SPMIP5: variants seen among roughly 807,000 people sequenced by gnomAD.
The protein encoded by SPMIP5 is sperm-associated microtubule inner protein 5.
chr10:116,664,915 G>T, the SPMIP5 span: 2 of 1,613,806 alleles, frequency 1.2e-6, no homozygotes, highest in Admixed American at 3.3e-5. Context: ...GGGATCGGGG[G>T]CTCCTGGAGA....
chr10:116,663,006 C>A, the SPMIP5 span, among the ~76,000 whole-genome samples: 1 of 152,032 alleles, frequency 6.6e-6, no homozygotes, highest in African/African-American at 2.4e-5. Context: ...CACAGTGAAA[C>A]CCCATCTCTA....
chr10:116,664,987 A>G, the SPMIP5 span: 1,286 of 1,577,762 alleles, frequency 8.2e-4, 11 homozygotes, highest in Middle Eastern at 0.013. Flanking sequence ...GCAACTAAAA[A>G]ATGTTTTCCA....
chr10:116,668,188 C>T, the SPMIP5 span: 3 of 1,466,074 alleles, frequency 2.0e-6, no homozygotes, highest in South Asian at 3.4e-5. Flanking sequence ...GACAGTGGGT[C>T]AAGGCAGGGA....
At chr10:116,664,735 G>A in the SPMIP5 span, 6 of 1,607,602 alleles carry the variant, frequency 3.7e-6, no homozygotes, top group Non-Finnish European at 3.4e-6. Context: ...CCTTGTGCCT[G>A]GGGTACGGAC....
the SPMIP5 span, chr10:116,664,857 C>T: frequency 3.9e-5 from 63 of 1,614,100 alleles, no homozygotes; most frequent in Non-Finnish European, 5.0e-5. Context: ...TCTCGTGCCA[C>T]AGCCAAATTC....
At chr10:116,662,880 C>A in the SPMIP5 span, among the ~76,000 whole-genome samples, 34 of 152,220 alleles carry the variant, frequency 2.2e-4, 1 homozygote, top group Admixed American at 5.2e-4. Context: ...GACTGGTGTC[C>A]TTGTAAGAAG....
the SPMIP5 span, chr10:116,668,427 G>T: frequency 2.1e-6 from 2 of 974,150 alleles, no homozygotes; most frequent in Non-Finnish European, 1.6e-6. Context: ...AAGAATGACT[G>T]CCAGGAGTTG....
chr10:116,669,475 A>G, the SPMIP5 span, among the ~76,000 whole-genome samples: 1 of 152,144 alleles, frequency 6.6e-6, no homozygotes, highest in East Asian at 1.9e-4. Context: ...CTTTTCTGAA[A>G]GCTTTCCACG....
At chr10:116,664,790 G>A in the SPMIP5 span, 1 of 1,614,048 alleles carries the variant, frequency 6.2e-7, no homozygotes, top group Admixed American at 1.7e-5. Context: ...GTGCCTTCTT[G>A]GCCCTCTCCG....
the SPMIP5 span, among the ~76,000 whole-genome samples, chr10:116,663,050 T>C: frequency 6.6e-5 from 10 of 151,604 alleles, no homozygotes; most frequent in South Asian, 4.2e-4. Context: ...GGCGTGGTGG[T>C]GGGCGCCTGT....
chr10:116,669,523 C>T, the SPMIP5 span, among the ~76,000 whole-genome samples: 1 of 152,144 alleles, frequency 6.6e-6, no homozygotes, highest in Non-Finnish European at 1.5e-5. Context: ...GATATAAATG[C>T]TATATTATAC....
At chr10:116,664,720 T>G in the SPMIP5 span, 3 of 1,602,086 alleles carry the variant, frequency 1.9e-6, no homozygotes, top group African/African-American at 4.0e-5. Flanking sequence ...CACTTCTCCC[T>G]TTGACCTTGT....
At chr10:116,663,095 T>C in the SPMIP5 span, among the ~76,000 whole-genome samples, 1 of 146,040 alleles carries the variant, frequency 6.8e-6, no homozygotes, top group Non-Finnish European at 1.5e-5. Context: ...GGCAGGAGAA[T>C]GGCGTGAACC....
the SPMIP5 span, chr10:116,665,455 C>G: frequency 1.8e-6 from 1 of 560,948 alleles, no homozygotes. Context: ...ATGTGTCTTT[C>G]TCATTTTAAG....
the SPMIP5 span, chr10:116,665,010 C>G: frequency 2.6e-6 from 4 of 1,548,534 alleles, no homozygotes; most frequent in Non-Finnish European, 2.6e-6. Context: ...GACCCAGAAG[C>G]TGAGGCCTGA....
At chr10:116,665,175 T>C in the SPMIP5 span, 2 of 1,198,580 alleles carry the variant, frequency 1.7e-6, no homozygotes, top group Non-Finnish European at 1.1e-6. Context: ...GGCAGGCAGA[T>C]CACCTGAGGT....
At chr10:116,663,756 T>C in the SPMIP5 span, 41 of 838,392 alleles carry the variant, frequency 4.9e-5, no homozygotes, top group African/African-American at 6.5e-4. Context: ...ATTAATGACA[T>C]GCAACCGTCA....
chr10:116,667,892 T>C, the SPMIP5 span, among the ~76,000 whole-genome samples: 1 of 152,168 alleles, frequency 6.6e-6, no homozygotes, highest in African/African-American at 2.4e-5. Flanking sequence ...ATAACCTTTG[T>C]GGAGGACTTG....
the SPMIP5 span, chr10:116,669,986 C>T: frequency 6.6e-6 from 1 of 152,306 alleles, no homozygotes; most frequent in South Asian, 2.1e-4. Context: ...CCCAGGATCC[C>T]TGCCTTCCAC....
Sources: allele counts gnomAD v4.1 joint callset (sites outside exome capture counted in the v4.1 genomes callset), GRCh38; gene constraint gnomAD v4.1.1; transcripts MANE v1.5; gene names NCBI Gene and HGNC (gene_info 2026-07-23, HGNC 2026-07-21).